Variants in DYNC2H1 observed in about 807,000 individuals in gnomAD.
The protein encoded by DYNC2H1 is dynein cytoplasmic 2 heavy chain 1.
DYNC2H1 carries 410 observed loss-of-function variants against 570.0 expected under a neutral mutation model. The ratio of observed to expected loss-of-function variants is 0.72; its 90% CI spans 0.66 to 0.78. The LOEUF (loss-of-function observed/expected upper bound fraction) is 0.78. Ranked by LOEUF, DYNC2H1 falls within the 30% of genes least tolerant of loss-of-function variation. The probability of loss-of-function intolerance (pLI) is 0.00; values close to 1 mark genes in which losing one functional copy is unlikely to be tolerated. For missense variants in DYNC2H1, 4,865 were observed against 5,046.4 expected (o/e 0.96, Z 1.09); for synonymous variants, 1,688 against 1,677.6 (o/e 1.01, Z -0.15).
chr11:103,148,722 T>C (rs1860371762), intron 20 of DYNC2H1, 105 bp downstream of exon 20: 2 of 1,338,632 alleles, frequency 1.5e-6, no homozygotes, highest in Non-Finnish European at 1.0e-6. Context: ...ATCTCAACAT[T>C]ATAAGGAGGT....
chr11:103,184,957 A>G lies in DYNC2H1; in HGVS notation c.6539A>G (p.His2180Arg), dbSNP rs1862007844. 6 of 1,611,286 alleles carry G rather than the reference A, an allele frequency of 3.7e-6. No individual in the cohort carries two copies. Among genetic ancestry groups the G allele is most frequent in the Middle Eastern group, 1.6e-4 (1 of 6,074 alleles). ...GTVMNGLSHL[H>R]GCRDHDEFII... ...GTGATGAATGGTTTGTCACATCTAC[A>G]TGGTTGCAGAGATCATGACGAATTC... Residue 2180 changes from histidine (H) to arginine (R), a missense_variant, in exon 41 of 89, where the codon CAT (histidine) becomes CGT (arginine). Transcript: ENST00000375735.
intron 83 of DYNC2H1, among the ~76,000 whole-genome samples, chr11:103,387,323 C>T (rs1440410330): frequency 6.6e-6 from 1 of 152,164 alleles, no homozygotes; most frequent in East Asian, 1.9e-4. Flanking sequence ...CTGTTCATAT[C>T]CTTCACCTAC....
intron 75 of DYNC2H1, among the ~76,000 whole-genome samples, chr11:103,288,684 T>TAAAAAAAA (rs57040929): frequency 3.6e-4 from 10 of 27,908 alleles, no homozygotes; most frequent in Non-Finnish European, 3.6e-4. Context: ...CCGTCTCTAC[T>TAAAAAAAA]AAAAAAAAAA....
At position 103,321,091 on chromosome 11, in the gene DYNC2H1, C is replaced by T. The variant is rs199705540; in HGVS notation, c.11788C>T (p.Arg3930Cys). 224 of 1,612,494 alleles carry T rather than the reference C, an allele frequency of 1.4e-4. No homozygotes were observed. Among genetic ancestry groups the T allele is most frequent in the Admixed American group, 1.8e-4 (11 of 59,850 alleles). The change falls in exon 81 of 89, where the codon CGT (arginine) becomes TGT (cysteine). Residue 3930 changes from arginine (R) to cysteine (C), a missense_variant. By Grantham distance (180) the Arg-to-Cys change is radical. Transcript: ENST00000375735. Reference protein sequence around the residue: ...GLLENAIYGGRIDNYFDLRVL... With the variant: ...GLLENAIYGGCIDNYFDLRVL... ...ACTTGAAAATGCTATTTATGGAGGACGTATAGACAACTATTTTGACCTTAG... is the reference window on the plus strand; with the variant it reads ...ACTTGAAAATGCTATTTATGGAGGATGTATAGACAACTATTTTGACCTTAG...
intron 70 of DYNC2H1, among the ~76,000 whole-genome samples, chr11:103,267,157 C>G (rs772816495): frequency 4.7e-4 from 72 of 152,008 alleles, no homozygotes; most frequent in Non-Finnish European, 8.1e-4. Flanking sequence ...GCCGGTTCAA[C>G]TCACTTAGTC....
chr11:103,238,150 CATT>C (rs1206437972), intron 63 of DYNC2H1, among the ~76,000 whole-genome samples: 1 of 152,120 alleles, frequency 6.6e-6, no homozygotes, highest in African/African-American at 2.4e-5. Context: ...AACATCAACT[CATT>C]AACATCACCA....
At chr11:103,290,965 C>T (rs1866570867) in intron 75 of DYNC2H1, among the ~76,000 whole-genome samples, 1 of 152,188 alleles carries the variant, frequency 6.6e-6, no homozygotes, top group Admixed American at 6.5e-5. Context: ...TGCAACTAAT[C>T]ACATCAGAAA....
At chr11:103,400,673 GC>G (rs1645982158) in intron 84 of DYNC2H1, among the ~76,000 whole-genome samples, 1 of 148,148 alleles carries the variant, frequency 6.8e-6, no homozygotes, top group Non-Finnish European at 1.5e-5. Flanking sequence ...TTTTTTTCAC[GC>G]CCCCTTGCTG....
chr11:103,146,422 G>A (rs952758706), intron 18 of DYNC2H1, among the ~76,000 whole-genome samples: 2 of 152,076 alleles, frequency 1.3e-5, no homozygotes, highest in South Asian at 2.1e-4. Flanking sequence ...GGGGTACAAT[G>A]GAAATAATTA....
intron 70 of DYNC2H1, 37 bp downstream of exon 70, chr11:103,260,014 C>A: frequency 9.1e-7 from 1 of 1,104,050 alleles, no homozygotes. Flanking sequence ...TAAAATACTA[C>A]TTGTTCTGTG....
intron 85 of DYNC2H1, among the ~76,000 whole-genome samples, chr11:103,449,573 A>G (rs912040303): frequency 1.3e-5 from 2 of 152,202 alleles, no homozygotes; most frequent in Non-Finnish European, 2.9e-5. Context: ...TCAATAAGCC[A>G]AGAGTGTTAT....
chr11:103,260,303 G>A (rs1865220177), intron 70 of DYNC2H1, among the ~76,000 whole-genome samples: 1 of 152,078 alleles, frequency 6.6e-6, no homozygotes, highest in African/African-American at 2.4e-5. Context: ...TGACATTTTG[G>A]GCTACATAAT....
chr11:103,138,843 T>C (rs1859725880), intron 17 of DYNC2H1, among the ~76,000 whole-genome samples: 1 of 152,130 alleles, frequency 6.6e-6, no homozygotes, highest in Non-Finnish European at 1.5e-5. Context: ...CATCTGGTCC[T>C]GGACTCTTTT....
chr11:103,126,871 C>A (rs575872354), intron 12 of DYNC2H1, among the ~76,000 whole-genome samples: 1 of 152,164 alleles, frequency 6.6e-6, no homozygotes, highest in Non-Finnish European at 1.5e-5. Flanking sequence ...ATCTCCTGAC[C>A]TTGTGATCCG....
At chr11:103,304,029 G>A (rs1236670801) in intron 76 of DYNC2H1, among the ~76,000 whole-genome samples, 1 of 151,396 alleles carries the variant, frequency 6.6e-6, no homozygotes, top group Non-Finnish European at 1.5e-5. Flanking sequence ...GTTTGTTCAG[G>A]GTGCCTTTTT....
Position 103,334,782 on chromosome 11 carries a change from G to T in DYNC2H1, c.12039+10792G>T, listed in dbSNP as rs1015975021. 6.6e-6 allele frequency among the ~76,000 whole-genome samples: 1 copy of T among 152,024 alleles called. No homozygotes were observed. The highest frequency in any genetic ancestry group is 2.4e-5 in the African/African-American group (1 of 41,420). On this transcript the variant is annotated intron_variant, in intron 82 of 88. Transcript: ENST00000375735. This position sits in a 1 kb window ranked among gnomAD's most constrained non-coding sequence, Gnocchi z 4.3. ...TTCATGATAGAATTGACTGCTTGTA[G>T]AACAAAGACCACAGTAGACTACTAC...
chr11:103,260,326 G>A (rs753872320), intron 70 of DYNC2H1, among the ~76,000 whole-genome samples: 1 of 152,146 alleles, frequency 6.6e-6, no homozygotes, highest in African/African-American at 2.4e-5. Context: ...TTTGTGTGTG[G>A]GATGTTGTTC....
At chr11:103,322,055 CTT>C (rs1938233373) in intron 81 of DYNC2H1, among the ~76,000 whole-genome samples, 1 of 152,200 alleles carries the variant, frequency 6.6e-6, no homozygotes, top group African/African-American at 2.4e-5. Context: ...ATATATTACT[CTT>C]ACTGACTATC....
intron 59 of DYNC2H1, among the ~76,000 whole-genome samples, chr11:103,230,970 G>A (rs1591444874): frequency 6.6e-6 from 1 of 152,012 alleles, no homozygotes; most frequent in East Asian, 1.9e-4. Flanking sequence ...CTTCATTTTA[G>A]TAGGGTTCTA....
Sources: allele counts gnomAD v4.1 joint callset (sites outside exome capture counted in the v4.1 genomes callset), GRCh38; gene constraint gnomAD v4.1.1; non-coding constraint Gnocchi (gnomAD v3.1); transcripts MANE v1.5; gene names NCBI Gene and HGNC (gene_info 2026-07-23, HGNC 2026-07-21).